RASGEF1C: variants seen among roughly 807,000 people sequenced by gnomAD.
RASGEF1C encodes ras-GEF domain-containing family member 1C.
A neutral mutation model predicts 58.1 loss-of-function variants in RASGEF1C; 27 were observed. The observed-to-expected ratio is 0.46, with a 90% CI of 0.34 to 0.64. RASGEF1C has a LOEUF of 0.64. Among genes scored for constraint, RASGEF1C ranks in the 30% least tolerant of loss-of-function variants. The pLI, the probability that RASGEF1C is intolerant of heterozygous loss-of-function variation, is 0.01. For synonymous variants in RASGEF1C, 243 were observed against 246.3 expected (o/e 0.99, Z 0.13); for missense variants, 502 against 605.1 (o/e 0.83, Z 1.79).
chr5:180,154,631 A>G (rs1247797333), intron 1 of RASGEF1C, among the ~76,000 whole-genome samples: 4 of 147,230 alleles, frequency 2.7e-5, no homozygotes, highest in Non-Finnish European at 5.9e-5. Flanking sequence ...CCCAGCCTGG[A>G]GTGCAGTGGT....
chr5:180,103,856 T>C (rs150648104), intron 12 of RASGEF1C, among the ~76,000 whole-genome samples: 254 of 152,328 alleles, frequency 1.7e-3, no homozygotes, highest in African/African-American at 5.6e-3. Flanking sequence ...TCCCTTCTAT[T>C]ACTAGTTTCT....
chr5:180,105,873 A>C lies in RASGEF1C; in HGVS notation c.1304-3730T>G, dbSNP rs189362602. Among the ~76,000 whole-genome samples the C allele has an allele frequency of 4.2e-3, 637 of 152,266 alleles. 4 individuals carry two copies. Among genetic ancestry groups the C allele is most frequent in the Non-Finnish European group, 5.9e-3 (400 of 68,028 alleles). The stretch of plus-strand genomic sequence containing the variant: ...ACAGAGCGAGACTCTGTCTCAAAAA[A>C]AAAAAGAAGTAAAATGAGGGTTACC... On this transcript the variant is annotated intron_variant, in intron 12 of 13. Coordinates refer to ENST00000361132, the MANE Select transcript of RASGEF1C (RefSeq NM_175062.4).
chr5:180,162,609 T>G (rs1192472689), intron 1 of RASGEF1C, among the ~76,000 whole-genome samples: 2 of 152,214 alleles, frequency 1.3e-5, no homozygotes, highest in African/African-American at 4.8e-5. Flanking sequence ...ATCAACAAGC[T>G]CCCCTCACCG....
chr5:180,137,619 G>T lies in RASGEF1C; in HGVS notation c.271C>A (p.Gln91Lys), dbSNP rs746987675. Residue 91 changes from glutamine (Q) to lysine (K), a missense_variant, in exon 3 of 14, where the codon CAG (glutamine) becomes AAG (lysine). Coordinates refer to ENST00000361132, the MANE Select transcript of RASGEF1C (RefSeq NM_175062.4). This position sits in a 1 kb window ranked among gnomAD's most constrained non-coding sequence, Gnocchi z 4.1. ...TCCAGCACCGGCTTGTCCAGCTGCTGCTGCTCGATGCACAGGTGGCAGACC... is the reference window on the plus strand; with the variant it reads ...TCCAGCACCGGCTTGTCCAGCTGCTTCTGCTCGATGCACAGGTGGCAGACC... ...ARVCHLCIEQ[Q>K]QLDKPVLDKA... is the part of the protein sequence containing the mutation. The T allele has an allele frequency of 6.2e-7, 1 of 1,610,560 alleles. No homozygotes were observed. The highest frequency in any genetic ancestry group is 1.1e-5 in the South Asian group (1 of 90,848).
rs191841185 is a variant in RASGEF1C at position 180,180,595 on chromosome 5, C to T, written c.-7+28433G>A. On this transcript the variant is annotated intron_variant, in intron 1 of 13. Transcript: ENST00000361132. ...GGTGCCAGGAGCAAAGCCGCTGCCCCAGACTGGCCATCGGTGGGAGCACCC... is the reference window on the plus strand; with the variant it reads ...GGTGCCAGGAGCAAAGCCGCTGCCCTAGACTGGCCATCGGTGGGAGCACCC... 9.1e-4 allele frequency among the ~76,000 whole-genome samples: 138 copies of T among 152,376 alleles called. 5 individuals carry two copies. The East Asian group carries it at 0.022, about 24-fold the overall frequency.
Position 180,108,493 on chromosome 5 carries a change from GCCC to G in RASGEF1C, c.1303+2961_1303+2963del, listed in dbSNP as rs1765904836. Among the ~76,000 whole-genome samples, 2 of 152,010 alleles carry G rather than the reference GCCC, an allele frequency of 1.3e-5. 1 individual carries two copies. Among genetic ancestry groups the G allele is most frequent in the Admixed American group, 1.3e-4 (2 of 15,266 alleles). The stretch of plus-strand genomic sequence containing the variant: ...TGGGATTACAAGCACGAGCCACCGC[GCCC>G]AGCCGTTTCAGTCTATTTTCTCCCT... On this transcript the variant is annotated intron_variant, in intron 12 of 13. Transcript: ENST00000361132.
chr5:180,193,204 C>T (rs13178707), intron 1 of RASGEF1C, among the ~76,000 whole-genome samples: 38,870 of 96,508 alleles, frequency 0.4, 9,495 homozygotes, highest in Non-Finnish European at 0.5. Flanking sequence ...TACAGGTGCC[C>T]GCCACCGCAC....
In RASGEF1C at chr5:180,107,022, T is replaced by C. The variant is rs552365230; in HGVS notation, c.1303+4435A>G. On this transcript the variant is annotated intron_variant, in intron 12 of 13. Coordinates refer to ENST00000361132, the MANE Select transcript of RASGEF1C (RefSeq NM_175062.4). The stretch of plus-strand genomic sequence containing the variant: ...CTATTATTACTGTATAATGTCCTTC[T>C]TTGTTTCTGGTAATTTTCTTTCTCC... Among the ~76,000 whole-genome samples the C allele has an allele frequency of 4.6e-5, 7 of 152,324 alleles. No individual in the cohort carries two copies. The South Asian group carries it at 8.3e-4, about 18-fold the overall frequency.
rs1038372749 is a variant in RASGEF1C, at chr5:180,118,803, T to G, written c.971A>C (p.Lys324Thr). ...CTCATTTACCTCGAGGATGAAAAAC[T>G]TGGCCGTCCTCACTTTGGCCCAGGT... Reference protein sequence around the residue: ...KKTWAKVRTAKFFILEHQMDP... With the variant: ...KKTWAKVRTATFFILEHQMDP... The change falls in exon 9 of 14, where the codon AAG becomes ACG. Residue 324 changes from lysine to threonine, a missense_variant. Lys to Thr is a moderately conservative substitution (Grantham distance 78). Transcript: ENST00000361132. 6.2e-7 allele frequency: 1 copy of G among 1,614,218 alleles called. No individual in the cohort carries two copies. The highest frequency in any genetic ancestry group is 1.1e-5 in the South Asian group (1 of 91,080).
chr5:180,186,945 T>TCAAACAAA (rs536833919), intron 1 of RASGEF1C, among the ~76,000 whole-genome samples: 8 of 151,920 alleles, frequency 5.3e-5, no homozygotes, highest in Non-Finnish European at 1.0e-4. Flanking sequence ...AGACTCAGTC[T>TCAAACAAA]CAAACAAACA....
chr5:180,113,763 G>A lies in RASGEF1C; in HGVS notation c.1179+683C>T, dbSNP rs199525686. 7.9e-5 allele frequency among the ~76,000 whole-genome samples: 12 copies of A among 151,254 alleles called. No individual in the cohort carries two copies. In the South Asian group the frequency reaches 1.0e-3, roughly 13 times the overall value. On this transcript the variant is annotated intron_variant, in intron 11 of 13. Coordinates refer to ENST00000361132, the MANE Select transcript of RASGEF1C (RefSeq NM_175062.4). ...GGGACCGGGGATGGACGGAGGGACC[G>A]GGGATGGACGGAGGGATTGGGGATG...
At chr5:180,207,321 A>T (rs1407037696) in intron 1 of RASGEF1C, among the ~76,000 whole-genome samples, 1 of 152,230 alleles carries the variant, frequency 6.6e-6, no homozygotes, top group Non-Finnish European at 1.5e-5. Flanking sequence ...GGAAATATTA[A>T]TTTTTAGTAA....
chr5:180,181,759 C>G (rs1767332189), intron 1 of RASGEF1C, among the ~76,000 whole-genome samples: 1 of 152,218 alleles, frequency 6.6e-6, no homozygotes, highest in South Asian at 2.1e-4. Context: ...GTCTGTGACA[C>G]TTTGTTAAGG....
chr5:180,163,563 G>T (rs1216849988), intron 1 of RASGEF1C, among the ~76,000 whole-genome samples: 2 of 151,978 alleles, frequency 1.3e-5, no homozygotes, highest in Non-Finnish European at 1.5e-5. Context: ...TAGTGTGATA[G>T]ATTATATTGA....
At chr5:180,133,959 T>C (rs1193362864) in intron 4 of RASGEF1C, among the ~76,000 whole-genome samples, 1 of 152,140 alleles carries the variant, frequency 6.6e-6, no homozygotes, top group African/African-American at 2.4e-5. Flanking sequence ...GGGACAGGTA[T>C]TATCCTGTTT....
chr5:180,154,402 A>C (rs1766819710), intron 1 of RASGEF1C, among the ~76,000 whole-genome samples: 1 of 152,144 alleles, frequency 6.6e-6, no homozygotes. Context: ...GTTAAAGAAG[A>C]AATACACTCT....
rs186117163 is a variant in RASGEF1C at position 180,194,443 on chromosome 5, G to A, written c.-7+14585C>T. 4.5e-4 allele frequency among the ~76,000 whole-genome samples: 68 copies of A among 152,312 alleles called. No individual in the cohort carries two copies. The South Asian group carries it at 9.3e-3, about 21-fold the overall frequency. On this transcript the variant is annotated intron_variant, in intron 1 of 13. Coordinates refer to ENST00000361132, the MANE Select transcript of RASGEF1C (RefSeq NM_175062.4). Reference sequence around the variant, plus strand: ...TCCAAAGTGCTAATACAATTTGGCCGCACCCATGCGGAAGCATCTGCGCAA... The same window carrying A: ...TCCAAAGTGCTAATACAATTTGGCCACACCCATGCGGAAGCATCTGCGCAA...
At chr5:180,114,205 C>T (rs1305247949) in intron 11 of RASGEF1C, among the ~76,000 whole-genome samples, 1 of 152,188 alleles carries the variant, frequency 6.6e-6, no homozygotes, top group East Asian at 1.9e-4. Context: ...TCAGATGGAC[C>T]CTGCTTCACC....
chr5:180,188,148 T>C (rs1384798773), intron 1 of RASGEF1C, among the ~76,000 whole-genome samples: 1 of 152,160 alleles, frequency 6.6e-6, no homozygotes, highest in Non-Finnish European at 1.5e-5. Flanking sequence ...TATTCAGCCA[T>C]AAAAAGGAAT....
Sources: gnomAD v4.1 joint callset for allele counts (sites outside exome capture counted in the v4.1 genomes callset) on GRCh38, gnomAD v4.1.1 for gene constraint, Gnocchi (gnomAD v3.1) non-coding constraint, MANE v1.5 for transcripts, NCBI Gene and HGNC (gene_info 2026-07-23, HGNC 2026-07-21) for gene names.